SLC39A12: variants seen among roughly 807,000 people sequenced by gnomAD.
SLC39A12 encodes the protein solute carrier family 39 member 12.
Under a neutral mutation model 71.1 loss-of-function variants are expected in SLC39A12, and 63 were observed. The observed-to-expected ratio is 0.89, with a 90% confidence interval of 0.72 to 1.09. The LOEUF is 1.09. Ranked by LOEUF, SLC39A12 falls within the 50% of genes least tolerant of loss-of-function variation. SLC39A12 has a pLI of 0.00. For synonymous variants in SLC39A12, 351 were observed against 301.3 expected (o/e 1.16, Z -1.71); for missense variants, 892 against 812.6 (o/e 1.10, Z -1.19).
chr10:18,039,589 A>G (rs1342508054), intron 12 of SLC39A12, among the ~76,000 whole-genome samples: 1 of 151,912 alleles, frequency 6.6e-6, no homozygotes, highest in East Asian at 1.9e-4. Flanking sequence ...TTAGCTGGGT[A>G]GGGTAGTATG....
intron 3 of SLC39A12, among the ~76,000 whole-genome samples, 186 bp downstream of exon 3, chr10:17,962,048 A>G (rs1288776035): frequency 2.0e-5 from 3 of 152,234 alleles, no homozygotes; most frequent in Non-Finnish European, 4.4e-5. Flanking sequence ...AAATGTAATG[A>G]CTAATTGGAA....
intron 12 of SLC39A12, among the ~76,000 whole-genome samples, chr10:18,023,941 C>T (rs1364623731): frequency 6.6e-6 from 1 of 152,176 alleles, no homozygotes; most frequent in Non-Finnish European, 1.5e-5. Flanking sequence ...CATAAGGCAA[C>T]TGTGGTATGC....
chr10:17,960,317 C>A (rs1285474797), intron 2 of SLC39A12, among the ~76,000 whole-genome samples: 3 of 152,062 alleles, frequency 2.0e-5, no homozygotes, highest in African/African-American at 7.2e-5. Context: ...AAACTTATGC[C>A]CTGCTTTTAG....
At chr10:18,028,338 C>T (rs1836737084) in intron 12 of SLC39A12, among the ~76,000 whole-genome samples, 1 of 152,160 alleles carries the variant, frequency 6.6e-6, no homozygotes, top group Admixed American at 6.5e-5. Flanking sequence ...GATCTTTCTT[C>T]TTCAGTGTGT....
At chr10:18,039,705 G>A (rs1023380669) in intron 12 of SLC39A12, among the ~76,000 whole-genome samples, 7 of 152,128 alleles carry the variant, frequency 4.6e-5, no homozygotes, top group Admixed American at 4.6e-4. Flanking sequence ...TCCAGCCTGG[G>A]CAACAGTGAG....
rs35228459 is a variant in SLC39A12, at chr10:18,013,346, T to TTTATTATTATTATTA, written c.1947+10013_1947+10027dup. Among the ~76,000 whole-genome samples, 265 of 139,830 alleles carry TTTATTATTATTATTA rather than the reference T, an allele frequency of 1.9e-3. 2 individuals are homozygous for TTTATTATTATTATTA. The highest frequency in any genetic ancestry group is 0.018 in the Middle Eastern group (5 of 276). The allele number at this position is 139,830 out of a possible 152,430, so 91.7% of individuals were successfully genotyped here. A position where few individuals can be genotyped will look rare whatever the true frequency, so the allele number is the denominator to read the frequency against. ...GGTATTAGGTAAACATCCAACTTTATTTATTATTATTATTATTATTATTAT... is the reference window on the plus strand; with the variant it reads ...GGTATTAGGTAAACATCCAACTTTATTTATTATTATTATTATTATTATTATTATTATTATTATTAT... On this transcript the variant is annotated intron_variant, in intron 12 of 12. Transcript: ENST00000377369.
At chr10:18,017,912 C>T (rs1261257699) in intron 12 of SLC39A12, among the ~76,000 whole-genome samples, 3 of 152,132 alleles carry the variant, frequency 2.0e-5, no homozygotes, top group African/African-American at 7.2e-5. Context: ...TTTGTTGATA[C>T]CCATTAAATA....
At chr10:18,025,303 C>T (rs528689123) in intron 12 of SLC39A12, among the ~76,000 whole-genome samples, 9 of 151,802 alleles carry the variant, frequency 5.9e-5, no homozygotes, top group Non-Finnish European at 1.3e-4. Context: ...TACACATGTA[C>T]ACATGTGCCA....
At chr10:18,003,062 A>C (rs1362808580) in intron 11 of SLC39A12, 109 bp from the exon 12 acceptor site, 1 of 900,764 alleles carries the variant, frequency 1.1e-6, no homozygotes, top group East Asian at 2.4e-5. Context: ...AACTCTACCT[A>C]TAAAATTGGT....
At chr10:18,011,641 CT>C (rs1381843533) in intron 12 of SLC39A12, among the ~76,000 whole-genome samples, 3 of 152,138 alleles carry the variant, frequency 2.0e-5, no homozygotes, top group African/African-American at 7.2e-5. Flanking sequence ...TCTGTCTTTG[CT>C]GAGCTTTACG....
In SLC39A12 at chr10:18,017,835, G is replaced by A. The variant is rs576517419; in HGVS notation, c.1947+14477G>A. Among the ~76,000 whole-genome samples, 15 of 152,242 alleles carry A rather than the reference G, an allele frequency of 9.9e-5. No homozygotes were observed. The South Asian group carries it at 2.9e-3, about 30-fold the overall frequency. On this transcript the variant is annotated intron_variant, in intron 12 of 12. Coordinates refer to ENST00000377369, the MANE Select transcript of SLC39A12 (RefSeq NM_001145195.2). The stretch of plus-strand genomic sequence containing the variant: ...GGTGTCAGGCCTCCAATATTTTTCA[G>A]TGTCAGTCTTTAATATTGAGTTGGC...
rs1835896735 is a variant in SLC39A12, at chr10:18,003,515, C to T, written c.1947+157C>T. ...ATATTCTTTGTACTCCAAGAAAGTG[C>T]ATTCTGGGCAGAAAGAACATAATTT... On this transcript the variant is annotated intron_variant, in intron 12 of 12. Transcript: ENST00000377369. 1.0e-5 allele frequency: 6 copies of T among 591,608 alleles called. No homozygotes were observed. The South Asian group carries it at 2.4e-4, about 24-fold the overall frequency. The allele number at this position is 591,608 out of a possible 1,614,324, so 36.6% of individuals were successfully genotyped here.
chr10:18,025,955 G>A (rs1836666695), intron 12 of SLC39A12, among the ~76,000 whole-genome samples: 1 of 152,136 alleles, frequency 6.6e-6, no homozygotes, highest in South Asian at 2.1e-4. Context: ...CACAAGTAGT[G>A]CCAATACCTT....
chr10:17,975,397 C>A (rs74118066), intron 4 of SLC39A12, among the ~76,000 whole-genome samples: 3 of 152,264 alleles, frequency 2.0e-5, no homozygotes, highest in East Asian at 1.9e-4. Context: ...AAGTCCTGCC[C>A]GGACTGGGTC....
At chr10:18,006,525 A>T (rs548611913) in intron 12 of SLC39A12, among the ~76,000 whole-genome samples, 9 of 152,308 alleles carry the variant, frequency 5.9e-5, no homozygotes, top group Non-Finnish European at 7.4e-5. Flanking sequence ...GTCATTTTGG[A>T]GGTGATCCCA....
chr10:18,005,065 G>T (rs1309830032), intron 12 of SLC39A12, among the ~76,000 whole-genome samples: 2 of 150,656 alleles, frequency 1.3e-5, no homozygotes, highest in East Asian at 2.0e-4. Flanking sequence ...CACACACTGG[G>T]GCCTGTCGGG....
rs149207919 is a variant in SLC39A12, at chr10:18,038,912, G to C, written c.1948-3793G>C. Among the ~76,000 whole-genome samples the C allele has an allele frequency of 3.3e-5, 5 of 152,256 alleles. No homozygotes were observed. The East Asian group carries it at 9.6e-4, about 29-fold the overall frequency. The stretch of plus-strand genomic sequence containing the variant: ...GCTTTCCAAAATGTAGGTTCATGAA[G>C]ATATTGATGATTTGAAAAGTCATCT... On this transcript the variant is annotated intron_variant, in intron 12 of 12. Coordinates refer to ENST00000377369, the MANE Select transcript of SLC39A12 (RefSeq NM_001145195.2).
chr10:17,997,286 C>G (rs1203810373), intron 10 of SLC39A12, among the ~76,000 whole-genome samples: 1 of 152,194 alleles, frequency 6.6e-6, no homozygotes, highest in East Asian at 1.9e-4. Context: ...AGAAATACTA[C>G]TAAGACCAAA....
At chr10:17,986,482 T>C (rs552114864) in intron 6 of SLC39A12, among the ~76,000 whole-genome samples, 1 of 152,310 alleles carries the variant, frequency 6.6e-6, no homozygotes, top group African/African-American at 2.4e-5. Flanking sequence ...GTTCATGGAC[T>C]GGTGAAGGGA....
Sources: allele counts gnomAD v4.1 joint callset (sites outside exome capture counted in the v4.1 genomes callset), GRCh38; gene constraint gnomAD v4.1.1; transcripts MANE v1.5; gene names NCBI Gene and HGNC (gene_info 2026-07-23, HGNC 2026-07-21).